The following ATPAF1 variants were observed in gnomAD, a reference collection of about 807,000 sequenced individuals.
The protein encoded by ATPAF1 is homolog of yeast ATP11.
ATPAF1 carries 26 observed loss-of-function variants against 43.9 expected under a neutral mutation model. The observed-to-expected ratio is 0.59, with a 90% CI of 0.43 to 0.82. The LOEUF (loss-of-function observed/expected upper bound fraction) is 0.82. ATPAF1 is among the 40% of genes least tolerant of loss of function. The pLI is 0.00. For missense variants in ATPAF1, 366 were observed against 435.0 expected (o/e 0.84, Z 1.41); for synonymous variants, 157 against 168.0 (o/e 0.93, Z 0.50).
chr1:46,644,418 TAGTA>T (rs1471430496), intron 7 of ATPAF1, among the ~76,000 whole-genome samples: 1 of 152,210 alleles, frequency 6.6e-6, no homozygotes, highest in South Asian at 2.1e-4. Flanking sequence ...ATGTGGCACA[TAGTA>T]AGTACATCAA....
chr1:46,648,898 G>A (rs763268445), intron 6 of ATPAF1, among the ~76,000 whole-genome samples: 67 of 152,122 alleles, frequency 4.4e-4, no homozygotes, highest in Non-Finnish European at 3.2e-4. Flanking sequence ...AGAATCGCTT[G>A]AACCTGGGAG....
chr1:46,650,299 G>C (rs1569612842), intron 6 of ATPAF1, among the ~76,000 whole-genome samples: 1 of 151,802 alleles, frequency 6.6e-6, no homozygotes, highest in South Asian at 2.1e-4. Flanking sequence ...TGAGGTGGGA[G>C]GGTCATTTGA....
intron 6 of ATPAF1, among the ~76,000 whole-genome samples, chr1:46,649,157 C>CA (rs35432914): frequency 0.29 from 30,071 of 104,512 alleles, 3,945 homozygotes; most frequent in East Asian, 0.34. Flanking sequence ...AGCTCCGTCT[C>CA]AAAAAAAAAA....
At chr1:46,636,115 T>C in intron 8 of ATPAF1, 145 bp from the exon 9 acceptor site, 1 of 817,388 alleles carries the variant, frequency 1.2e-6, no homozygotes, top group Admixed American at 1.9e-5. Flanking sequence ...TAGTCTTGGT[T>C]AGGTGCCCCT....
intron 1 of ATPAF1, chr1:46,665,687 A>T: frequency 1.3e-6 from 2 of 1,535,430 alleles, no homozygotes; most frequent in South Asian, 2.4e-5. Context: ...TTGCTGGATC[A>T]CCTCTTCAGA....
downstream of ATPAF1, chr1:46,632,902 T>G (rs766910308): frequency 1.3e-5 from 2 of 152,690 alleles, no homozygotes; most frequent in Middle Eastern, 3.4e-3. Flanking sequence ...ATAATGTATT[T>G]GGAGTTTGCA....
chr1:46,658,158 AC>A lies in ATPAF1; in HGVS notation c.457del (p.Val153Ter). 6.2e-7 allele frequency: 1 copy of A among 1,611,804 alleles called. No homozygotes were observed. Among genetic ancestry groups the A allele is most frequent in the African/African-American group, 1.3e-5 (1 of 74,770 alleles). ...TATTTCTTCTGCAGTTTTTTCTTTT[AC>A]CATCTCAATGTTAAAGATTGAACTG... On this transcript the variant is annotated frameshift_variant, in exon 4 of 9. Transcript: ENST00000574428. LOFTEE classifies it high-confidence loss of function.
At chr1:46,648,744 G>A (rs1197164219) in intron 6 of ATPAF1, among the ~76,000 whole-genome samples, 1 of 152,096 alleles carries the variant, frequency 6.6e-6, no homozygotes, top group African/African-American at 2.4e-5. Flanking sequence ...TTGGGAGGCT[G>A]AGGCAAGTGG....
chr1:46,665,419 T>C, intron 1 of ATPAF1, 55 bp from the exon 2 acceptor site: 1 of 1,539,262 alleles, frequency 6.5e-7, no homozygotes, highest in Non-Finnish European at 8.9e-7. Flanking sequence ...AATTCTAAAA[T>C]AACAAAGCAT....
intron 3 of ATPAF1, 86 bp downstream of exon 3, chr1:46,658,601 G>A: frequency 1.0e-6 from 1 of 994,194 alleles, no homozygotes; most frequent in Non-Finnish European, 1.5e-6. Flanking sequence ...CTGAGCCACA[G>A]TACTTATGTT....
intron 2 of ATPAF1, among the ~76,000 whole-genome samples, chr1:46,662,832 G>A (rs542420192): frequency 5.9e-5 from 9 of 151,952 alleles, no homozygotes; most frequent in Non-Finnish European, 1.3e-4. Context: ...TACACAACGT[G>A]CAGGTTTGTT....
At chr1:46,659,337 C>A (rs959308892) in intron 2 of ATPAF1, among the ~76,000 whole-genome samples, 1 of 151,604 alleles carries the variant, frequency 6.6e-6, no homozygotes, top group Admixed American at 6.5e-5. Flanking sequence ...CCATTCTCCA[C>A]CTGCCACTGT....
intron 3 of ATPAF1, 43 bp downstream of exon 3, chr1:46,658,644 T>C: frequency 1.3e-6 from 2 of 1,496,308 alleles, no homozygotes; most frequent in Non-Finnish European, 1.8e-6. Context: ...AGATGTCCCA[T>C]ATGACTTCAA....
chr1:46,666,302 G>C (rs1676490036), intron 1 of ATPAF1: 1 of 154,070 alleles, frequency 6.5e-6, no homozygotes, highest in Non-Finnish European at 1.4e-5. Context: ...AGGGGTTTCT[G>C]CTTAGTCGGG....
At chr1:46,650,743 C>T (rs1676148465) in intron 6 of ATPAF1, among the ~76,000 whole-genome samples, 1 of 150,748 alleles carries the variant, frequency 6.6e-6, no homozygotes, top group Non-Finnish European at 1.5e-5. Context: ...GCTTGGAGAA[C>T]ATTATGTTAA....
In ATPAF1 at chr1:46,643,438, G is replaced by A. The variant is rs544937825; in HGVS notation, c.685-137C>T. 4.7e-6 allele frequency: 3 copies of A among 643,212 alleles called. No homozygotes were observed. In the African/African-American group the frequency reaches 5.5e-5, roughly 12 times the overall value. The allele number at this position is 643,212 out of a possible 1,614,324, so 39.8% of individuals were successfully genotyped here. ...GGCTAGTGAGTTGGAGGACTGGTAT[G>A]TGGTGGTAAGGTCAGGCCTGCAAAG... On this transcript the variant is annotated intron_variant, in intron 7 of 8. Coordinates refer to ENST00000574428, the Ensembl canonical transcript of ATPAF1.
chr1:46,657,789 T>C (rs1219024458), intron 4 of ATPAF1, among the ~76,000 whole-genome samples: 3 of 151,946 alleles, frequency 2.0e-5, no homozygotes, highest in Non-Finnish European at 2.9e-5. Flanking sequence ...GAGGACTCAG[T>C]TGATGAGAAT....
intron 7 of ATPAF1, among the ~76,000 whole-genome samples, 187 bp downstream of exon 7, chr1:46,644,974 C>T (rs1002771913): frequency 9.9e-5 from 15 of 152,156 alleles, no homozygotes; most frequent in Non-Finnish European, 1.8e-4. Flanking sequence ...GAGTCTTTTC[C>T]AATTTCTAGG....
At chr1:46,637,652 G>C (rs1308409105) in intron 8 of ATPAF1, among the ~76,000 whole-genome samples, 1 of 152,164 alleles carries the variant, frequency 6.6e-6, no homozygotes, top group Admixed American at 6.6e-5. Flanking sequence ...AACATGGGCT[G>C]TGCTCCATCT....
Sources: allele counts gnomAD v4.1 joint callset (sites outside exome capture counted in the v4.1 genomes callset), GRCh38; gene constraint gnomAD v4.1.1; transcripts MANE v1.5; gene names NCBI Gene and HGNC (gene_info 2026-07-23, HGNC 2026-07-21).